Variants in SLC35F4 observed in about 807,000 individuals in gnomAD.
The protein encoded by SLC35F4 is chromosome 14 open reading frame 36.
SLC35F4 carries 24 observed loss-of-function variants against 44.2 expected under a neutral mutation model. The observed-to-expected ratio is 0.54, with a 90% confidence interval of 0.39 to 0.76. The LOEUF (loss-of-function observed/expected upper bound fraction) is 0.76, where lower values mean the gene tolerates loss of function less well. Among genes scored for constraint, SLC35F4 ranks in the 30% least tolerant of loss-of-function variants. SLC35F4 has a pLI of 0.00. For synonymous variants in SLC35F4, 238 were observed against 223.6 expected (o/e 1.06, Z -0.57); for missense variants, 562 against 586.1 (o/e 0.96, Z 0.42).
chr14:57,740,671 A>C (rs2076583637), intron 1 of SLC35F4, among the ~76,000 whole-genome samples: 1 of 152,246 alleles, frequency 6.6e-6, no homozygotes, highest in South Asian at 2.1e-4. Context: ...TACCATAGAG[A>C]AAAGACAAAT....
intron 1 of SLC35F4, among the ~76,000 whole-genome samples, chr14:57,751,900 C>G (rs2076892060): frequency 6.7e-6 from 1 of 149,652 alleles, no homozygotes; most frequent in Non-Finnish European, 1.5e-5. Context: ...AAAATAAGCC[C>G]TTAAAAAACA....
chr14:57,681,450 A>G (rs1344806110), intron 1 of SLC35F4, among the ~76,000 whole-genome samples: 1 of 152,152 alleles, frequency 6.6e-6, no homozygotes, highest in East Asian at 1.9e-4. Flanking sequence ...GACATTCAGG[A>G]CATTGGCAAA....
At chr14:57,887,328 C>T (rs532144875) in intron 1 of SLC35F4, among the ~76,000 whole-genome samples, 26 of 152,282 alleles carry the variant, frequency 1.7e-4, no homozygotes, top group Admixed American at 1.4e-3. Context: ...GGGCTGCATT[C>T]AAGCTCCCTG....
chr14:57,910,855 G>T (rs1454775247), intron 1 of SLC35F4, among the ~76,000 whole-genome samples: 1 of 151,902 alleles, frequency 6.6e-6, no homozygotes, highest in Non-Finnish European at 1.5e-5. Flanking sequence ...TGAATCTAAA[G>T]TTGGACAAAA....
chr14:57,944,105 G>A (rs1889965615), intron 1 of SLC35F4, among the ~76,000 whole-genome samples: 1 of 152,078 alleles, frequency 6.6e-6, no homozygotes, highest in African/African-American at 2.4e-5. Flanking sequence ...TCACATTCTT[G>A]TGATTGCAGG....
At chr14:57,646,792 A>T (rs1024658082) in intron 1 of SLC35F4, among the ~76,000 whole-genome samples, 1 of 152,144 alleles carries the variant, frequency 6.6e-6, no homozygotes, top group Non-Finnish European at 1.5e-5. Flanking sequence ...CACTGCTTTT[A>T]ATGTGACCCA....
chr14:57,823,533 T>C (rs956861490), intron 1 of SLC35F4, among the ~76,000 whole-genome samples: 3 of 152,226 alleles, frequency 2.0e-5, no homozygotes, highest in Non-Finnish European at 4.4e-5. Context: ...CCCTGCTGTC[T>C]TGTTTATAGC....
chr14:57,638,307 G>C (rs2073092088), intron 1 of SLC35F4, among the ~76,000 whole-genome samples: 1 of 152,210 alleles, frequency 6.6e-6, no homozygotes, highest in Non-Finnish European at 1.5e-5. Flanking sequence ...TGCACACTGA[G>C]TGCCTTTATG....
At position 57,964,988 on chromosome 14, in the gene SLC35F4, AAAAAT is replaced by A. The variant is rs1483776217; in HGVS notation, n.282+16920_282+16924del. Among the ~76,000 whole-genome samples, 1,044 of 136,758 alleles carry A rather than the reference AAAAAT, an allele frequency of 7.6e-3. 5 individuals are homozygous for A. Among genetic ancestry groups the A allele is most frequent in the Non-Finnish European group, 0.012 (809 of 65,412 alleles). 89.7% of individuals were successfully genotyped at this position (136,758 alleles called of 152,430 possible). ...CTCCCATGGGGGAAAAAAAAAAAAA[AAAAAT>A]ATATATATATATATATATAGTTTCA... On this transcript the variant is annotated intron_variant and non_coding_transcript_variant, in intron 1 of 1. Transcript: ENST00000556568.
intron 1 of SLC35F4, among the ~76,000 whole-genome samples, chr14:57,878,785 A>C (rs1888456252): frequency 6.6e-6 from 1 of 152,142 alleles, no homozygotes; most frequent in South Asian, 2.1e-4. Flanking sequence ...AGTGCCAGGC[A>C]CAGAGTAGGC....
chr14:57,622,306 T>G (rs2072227205), intron 1 of SLC35F4, among the ~76,000 whole-genome samples: 1 of 141,234 alleles, frequency 7.1e-6, no homozygotes, highest in African/African-American at 2.7e-5. Context: ...GACCCAGCCA[T>G]CCCATTACTG....
chr14:57,841,557 C>A (rs993890969), intron 1 of SLC35F4, among the ~76,000 whole-genome samples: 2 of 152,114 alleles, frequency 1.3e-5, no homozygotes, highest in Non-Finnish European at 2.9e-5. Flanking sequence ...TAGAACCAGA[C>A]CTTTGATGGG....
chr14:57,658,184 C>A (rs2074027972), intron 1 of SLC35F4, among the ~76,000 whole-genome samples: 1 of 152,076 alleles, frequency 6.6e-6, no homozygotes, highest in African/African-American at 2.4e-5. Context: ...AACTTAACAT[C>A]CATTAAATAT....
At chr14:57,657,703 C>T (rs990463849) in intron 1 of SLC35F4, among the ~76,000 whole-genome samples, 2 of 152,144 alleles carry the variant, frequency 1.3e-5, no homozygotes, top group Non-Finnish European at 2.9e-5. Flanking sequence ...ACTCAGAAAT[C>T]AGGCCCTGAC....
chr14:57,792,409 G>A (rs147206416), intron 1 of SLC35F4, among the ~76,000 whole-genome samples: 183 of 152,224 alleles, frequency 1.2e-3, no homozygotes, highest in African/African-American at 4.1e-3. Context: ...CCACTACTGG[G>A]TATCTACCCA....
intron 1 of SLC35F4, among the ~76,000 whole-genome samples, chr14:57,626,532 C>CA (rs1195634896): frequency 1.3e-5 from 2 of 151,976 alleles, no homozygotes; most frequent in Non-Finnish European, 2.9e-5. Context: ...AAAACTATAT[C>CA]AAAAAAATTA....
chr14:57,968,329 T>C (rs532026854), intron 1 of SLC35F4, among the ~76,000 whole-genome samples: 10 of 152,362 alleles, frequency 6.6e-5, no homozygotes, highest in East Asian at 3.9e-4. Context: ...TTTTTAAACA[T>C]AGACAGTCTG....
Position 57,579,880 on chromosome 14 carries a change from C to A in SLC35F4, c.807+1334G>T, listed in dbSNP as rs114733461. 2.2e-3 allele frequency among the ~76,000 whole-genome samples: 341 copies of A among 152,156 alleles called. 1 individual carries two copies. The highest frequency in any genetic ancestry group is 7.8e-3 in the African/African-American group (323 of 41,490). On this transcript the variant is annotated intron_variant, in intron 4 of 7. Transcript: ENST00000556826. ...TTATTAATATTCATTTTGCACTGGG[C>A]CCCATGGATTATGTAGCAGATCTTG...
intron 1 of SLC35F4, among the ~76,000 whole-genome samples, chr14:57,793,414 G>T (rs915055653): frequency 7.9e-5 from 12 of 151,952 alleles, no homozygotes; most frequent in African/African-American, 2.7e-4. Context: ...TACCTTCTGA[G>T]CCTCCAATGT....
Sources: gnomAD v4.1 joint callset for allele counts (sites outside exome capture counted in the v4.1 genomes callset) on GRCh38, gnomAD v4.1.1 for gene constraint, MANE v1.5 for transcripts, NCBI Gene and HGNC (gene_info 2026-07-23, HGNC 2026-07-21) for gene names.